The following USH2A variants were observed in gnomAD, a reference collection of about 807,000 sequenced individuals.
The protein encoded by USH2A is usherin.
A neutral mutation model predicts 538.9 loss-of-function variants in USH2A; 443 were observed. That is an observed-to-expected ratio of 0.82 (90% CI 0.76 to 0.89). The LOEUF is 0.89. Ranked by LOEUF, USH2A falls within the 40% of genes least tolerant of loss-of-function variation. USH2A has a pLI of 0.00. For synonymous variants in USH2A, 2,413 were observed against 2,273.5 expected, an observed-to-expected ratio of 1.06 and a Z score of -1.75; for missense variants, 6,633 against 6,324.8, an observed-to-expected ratio of 1.05 and a Z score of -1.65.
intron 61 of USH2A, among the ~76,000 whole-genome samples, chr1:215,683,123 G>C (rs1014692962): frequency 1.3e-5 from 2 of 151,938 alleles, no homozygotes; most frequent in African/African-American, 4.8e-5. Context: ...TAGAGCTCAA[G>C]TCACCCTTCT....
chr1:215,964,060 G>C (rs1454524118), intron 37 of USH2A, among the ~76,000 whole-genome samples: 1 of 152,138 alleles, frequency 6.6e-6, no homozygotes, highest in Non-Finnish European at 1.5e-5. Flanking sequence ...TGGTTTGAGA[G>C]ACGGGATGAC....
Position 216,207,371 on chromosome 1 carries a change from G to A in USH2A, c.3218C>T (p.Ser1073Phe). ...ATTTGGAGAATCAGGTGGACTCCAGGAGAGATTGATAGCAGAAGAACTTTG... is the reference window on the plus strand; with the variant it reads ...ATTTGGAGAATCAGGTGGACTCCAGAAGAGATTGATAGCAGAAGAACTTTG... The part of the protein sequence containing the change: ...QVQSSSAINL[S>F]WSPPDSPNAH... The change falls in exon 16 of 72, where the codon TCC becomes TTC. Residue 1073 changes from serine to phenylalanine, a missense_variant. Transcript: ENST00000307340. 6.2e-7 allele frequency: 1 copy of A among 1,614,054 alleles called. No homozygotes were observed. The highest frequency in any genetic ancestry group is 8.5e-7 in the Non-Finnish European group (1 of 1,179,964).
In USH2A at chr1:215,640,753, A is replaced by G; in HGVS notation, c.14792-19T>C. The G allele has an allele frequency of 1.3e-6, 2 of 1,576,308 alleles. No individual in the cohort carries two copies. Among genetic ancestry groups the G allele is most frequent in the East Asian group, 2.4e-5 (1 of 41,598 alleles). On this transcript the variant is annotated intron_variant, in intron 67 of 71. Transcript: ENST00000307340. ...TGAGGCACTGTGGGGAGAAAGTTGT[A>G]TGTTCTAAAAAGGGTAACCTCTTTG...
At position 215,664,652 on chromosome 1, in the gene USH2A, T is replaced by G. The variant is rs550553570; in HGVS notation, c.14133+6320A>C. 1.5e-4 allele frequency among the ~76,000 whole-genome samples: 23 copies of G among 152,304 alleles called. No homozygotes were observed. In the East Asian group the frequency reaches 3.9e-3, roughly 26 times the overall value. ...TAGATGAGTGCTATGAACTGACTGT[T>G]TTTGTCCCCTTCAAATACATATGTT... On this transcript the variant is annotated intron_variant, in intron 64 of 71. Transcript: ENST00000307340.
chr1:216,020,396 A>C lies in USH2A; in HGVS notation c.6326-19834T>G, dbSNP rs2164578. ...GATCAGTTGAAAGCCTTTAGAGCAA[A>C]GATTGAAATTTCCCAAAGATGAAAG... is the stretch of plus-strand genomic sequence containing the variant. On this transcript the variant is annotated intron_variant, in intron 32 of 71. Coordinates refer to ENST00000307340, the MANE Select transcript of USH2A (RefSeq NM_206933.4). Among the ~76,000 whole-genome samples, 1,406 of 152,302 alleles carry C rather than the reference A, an allele frequency of 9.2e-3. 12 individuals are homozygous for C. Among genetic ancestry groups the C allele is most frequent in the Non-Finnish European group, 0.013 (853 of 68,014 alleles).
At chr1:216,325,218 A>G (rs1415180440) in intron 6 of USH2A, 87 bp downstream of exon 6, 2 of 1,406,136 alleles carry the variant, frequency 1.4e-6, no homozygotes, top group Non-Finnish European at 2.0e-6. Context: ...TAGGGAATAT[A>G]TTTCTGTTGT....
intron 40 of USH2A, among the ~76,000 whole-genome samples, chr1:215,899,224 C>T (rs1268260054): frequency 6.6e-6 from 1 of 152,170 alleles, no homozygotes; most frequent in African/African-American, 2.4e-5. Context: ...TTGAAAGTCA[C>T]TTAACGTTCT....
intron 9 of USH2A, among the ~76,000 whole-genome samples, chr1:216,310,797 G>A (rs2037406144): frequency 6.6e-6 from 1 of 152,152 alleles, no homozygotes; most frequent in Non-Finnish European, 1.5e-5. Flanking sequence ...AAAATTCGTG[G>A]TCAGGGAGCT....
intron 44 of USH2A, among the ~76,000 whole-genome samples, chr1:215,866,735 T>C (rs1292374018): frequency 6.6e-6 from 1 of 152,122 alleles, no homozygotes; most frequent in Non-Finnish European, 1.5e-5. Flanking sequence ...CCAAGAACAA[T>C]GTCAAAGTAG....
intron 2 of USH2A, among the ~76,000 whole-genome samples, chr1:216,421,084 T>C (rs1490259804): frequency 6.6e-6 from 1 of 152,002 alleles, no homozygotes; most frequent in Non-Finnish European, 1.5e-5. Context: ...TGGCAATAAA[T>C]ATTTAGAAGA....
At chr1:216,375,751 A>C (rs989427562) in intron 3 of USH2A, among the ~76,000 whole-genome samples, 1 of 152,132 alleles carries the variant, frequency 6.6e-6, no homozygotes, top group Non-Finnish European at 1.5e-5. Context: ...AACTTTCTAC[A>C]TGCCTTCCTC....
At chr1:215,897,315 G>A (rs540741535) in intron 40 of USH2A, among the ~76,000 whole-genome samples, 2 of 152,264 alleles carry the variant, frequency 1.3e-5, no homozygotes, top group Admixed American at 6.5e-5. Flanking sequence ...CCTGTTGATG[G>A]TATGGAATTT....
intron 37 of USH2A, among the ~76,000 whole-genome samples, chr1:215,942,227 C>T (rs1045815074): frequency 1.3e-5 from 2 of 152,126 alleles, no homozygotes; most frequent in Non-Finnish European, 2.9e-5. Context: ...TGTTGCCTGG[C>T]GTTCACCCTC....
chr1:215,640,662 A>C lies in USH2A; in HGVS notation c.14864T>G (p.Phe4955Cys). The C allele has an allele frequency of 1.9e-6, 3 of 1,614,024 alleles. No individual in the cohort carries two copies. Among genetic ancestry groups the C allele is most frequent in the Non-Finnish European group, 1.7e-6 (2 of 1,179,998 alleles). ...SVVCVNWSDT[F>C]LLNGQLKEYV... is the part of the protein sequence containing the mutation. ...CTCCTTCAGTTGGCCGTTCAGGAGG[A>C]AGGTGTCACTCCAGTTCACACACAC... Residue 4955 changes from phenylalanine to cysteine, a missense_variant, in exon 68 of 72, where the codon TTC becomes TGC. Physicochemically the swap from Phe to Cys is radical, Grantham distance 205 (BLOSUM62 -2). Coordinates refer to ENST00000307340, the MANE Select transcript of USH2A (RefSeq NM_206933.4).
intron 11 of USH2A, among the ~76,000 whole-genome samples, chr1:216,287,349 TAC>T (rs776260470): frequency 6.6e-6 from 1 of 152,214 alleles, no homozygotes; most frequent in Non-Finnish European, 1.5e-5. Context: ...TTATAAATGG[TAC>T]AGTCTTTCAT....
intron 26 of USH2A, chr1:216,080,027 TGAC>T (rs1191245427): frequency 1.3e-5 from 2 of 152,098 alleles, no homozygotes. Flanking sequence ...CTGTTGTTGT[TGAC>T]AAGGAGGAGG....
rs1655883892 is a variant in USH2A, at chr1:215,623,593, T to C, written c.*2188A>G. 1.3e-5 allele frequency: 2 copies of C among 152,076 alleles called. No homozygotes were observed. Among genetic ancestry groups the C allele is most frequent in the South Asian group, 4.1e-4 (2 of 4,826 alleles). The allele number at this position is 152,076 out of a possible 1,614,324, so 9.4% of individuals were successfully genotyped here. ...AAATAAATACAAGTAAACTTAGACATGTAGCAGGGGACAGAGTTCTGGGCA... is the reference window on the plus strand; with the variant it reads ...AAATAAATACAAGTAAACTTAGACACGTAGCAGGGGACAGAGTTCTGGGCA... On this transcript the variant is annotated 3_prime_UTR_variant, in exon 72 of 72. Transcript: ENST00000307340.
In USH2A at chr1:215,624,921, G is replaced by A. The variant is rs1655958377; in HGVS notation, c.*860C>T. ...AGTAGTTTCCATTTGAAATGTGCTAGGTTGAAGATGTCAGTATTCTCTGAT... is the reference window on the plus strand; with the variant it reads ...AGTAGTTTCCATTTGAAATGTGCTAAGTTGAAGATGTCAGTATTCTCTGAT... On this transcript the variant is annotated 3_prime_UTR_variant, in exon 72 of 72. Transcript: ENST00000307340. 1 of 152,126 alleles carries A rather than the reference G, an allele frequency of 6.6e-6. No homozygotes were observed. Among genetic ancestry groups the A allele is most frequent in the Non-Finnish European group, 1.5e-5 (1 of 68,008 alleles). The allele number at this position is 152,126 out of a possible 1,614,324, so 9.4% of individuals were successfully genotyped here.
Position 216,289,307 on chromosome 1 carries a change from A to G in USH2A, c.1944T>C (p.Thr648=), listed in dbSNP as rs778993768. The G allele has an allele frequency of 2.4e-5, 38 of 1,613,900 alleles. No homozygotes were observed. Among genetic ancestry groups the G allele is most frequent in the Non-Finnish European group, 3.2e-5 (38 of 1,179,882 alleles). Reference sequence around the variant, plus strand: ...GATCACAAAGAATGCTACCATTTCTAGTGCCAACTGTATCACAGTCACAGG... The same window carrying G: ...GATCACAAAGAATGCTACCATTTCTGGTGCCAACTGTATCACAGTCACAGG... ...CKPCDCDTVG[T]RNGSILCDQI... Residue 648 remains threonine (T), a synonymous_variant, in exon 11 of 72, where the codon ACT becomes ACC. Coordinates refer to ENST00000307340, the MANE Select transcript of USH2A (RefSeq NM_206933.4).
Sources: gnomAD v4.1 joint callset for allele counts (sites outside exome capture counted in the v4.1 genomes callset) on GRCh38, gnomAD v4.1.1 for gene constraint, MANE v1.5 for transcripts, NCBI Gene and HGNC (gene_info 2026-07-23, HGNC 2026-07-21) for gene names.